The following LARGE1 variants were observed in gnomAD, a reference collection of about 807,000 sequenced individuals.
LARGE1 encodes xylosyl- and glucuronyltransferase LARGE1.
LARGE1 carries 43 observed loss-of-function variants against 87.6 expected under a neutral mutation model. That is an observed-to-expected ratio of 0.49 (90% confidence interval 0.38 to 0.63). The LOEUF is 0.63. Among genes scored for constraint, LARGE1 ranks in the 30% least tolerant of loss-of-function variants. The pLI, the probability that LARGE1 is intolerant of heterozygous loss-of-function variation, is 0.00. For synonymous variants in LARGE1, 434 were observed against 394.6 expected, an observed-to-expected ratio of 1.10 and a Z score of -1.18; for missense variants, 802 against 1,000.2, an observed-to-expected ratio of 0.80 and a Z score of 2.67.
intron 1 of LARGE1, among the ~76,000 whole-genome samples, chr22:33,838,317 T>C (rs200044024): frequency 1.3e-5 from 2 of 152,306 alleles, no homozygotes; most frequent in South Asian, 2.1e-4. Context: ...CAGTGACTCA[T>C]ACAGCCACTA....
intron 2 of LARGE1, among the ~76,000 whole-genome samples, chr22:33,752,656 G>A (rs1479718943): frequency 1.3e-5 from 2 of 152,324 alleles, no homozygotes; most frequent in African/African-American, 4.8e-5. Context: ...TCCAAGGGAA[G>A]GATGAGATGT....
chr22:33,589,383 T>C (rs1479385335), intron 5 of LARGE1, among the ~76,000 whole-genome samples: 1 of 152,224 alleles, frequency 6.6e-6, no homozygotes, highest in African/African-American at 2.4e-5. Context: ...TGCAAATTTA[T>C]ATTGTTGTAT....
At chr22:33,503,583 G>A (rs1160929755) in intron 6 of LARGE1, among the ~76,000 whole-genome samples, 12 of 152,050 alleles carry the variant, frequency 7.9e-5, no homozygotes, top group Non-Finnish European at 1.3e-4. Flanking sequence ...GGTGGATCAC[G>A]AGGTCAGGAG....
chr22:33,257,216 A>AAAC (rs572360244), intron 11 of LARGE1, among the ~76,000 whole-genome samples: 179 of 151,932 alleles, frequency 1.2e-3, no homozygotes, highest in African/African-American at 4.1e-3. Context: ...AAAAATAAAC[A>AAAC]AACAACAACA....
At chr22:33,297,789 G>A (rs1226834582) in intron 12 of LARGE1, among the ~76,000 whole-genome samples, 1 of 151,820 alleles carries the variant, frequency 6.6e-6, no homozygotes, top group Non-Finnish European at 1.5e-5. Flanking sequence ...AGACCAGCCT[G>A]GCCAACATGG....
At chr22:33,874,830 T>C (rs557727011) in intron 1 of LARGE1, among the ~76,000 whole-genome samples, 184 of 152,340 alleles carry the variant, frequency 1.2e-3, no homozygotes, top group African/African-American at 4.1e-3. Flanking sequence ...GCCAACATTA[T>C]ATACATGTGT....
In LARGE1 at chr22:33,232,077, A is replaced by T. The variant is rs371585738; in HGVS notation, c.1731-65245T>A. Among the ~76,000 whole-genome samples, 37 of 152,288 alleles carry T rather than the reference A, an allele frequency of 2.4e-4. No homozygotes were observed. In the East Asian group the frequency reaches 6.6e-3, roughly 27 times the overall value. ...AGTTAGCAGAGGGGTCAGGATTCCA[A>T]ACTAGGTCCCTCTGCTTCCCAAGAC... On this transcript the variant is annotated intron_variant, in intron 11 of 11. Transcript: ENST00000608642.
chr22:33,904,283 G>C (rs2065370176), intron 1 of LARGE1, among the ~76,000 whole-genome samples: 1 of 152,140 alleles, frequency 6.6e-6, no homozygotes, highest in Admixed American at 6.5e-5. Context: ...AGCCTCCTGA[G>C]TAGCTGGGAT....
Position 33,497,651 on chromosome 22 carries a change from A to G in LARGE1, c.788-65386T>C, listed in dbSNP as rs144090233. ...ACAAAGTGTCCAGTATATGTTCAAT[A>G]AAGGACAGTAACTCTTCTTCTAGAA... On this transcript the variant is annotated intron_variant, in intron 6 of 14. Coordinates refer to ENST00000397394, the MANE Select transcript of LARGE1 (RefSeq NM_133642.5). Among the ~76,000 whole-genome samples the G allele has an allele frequency of 3.8e-3, 574 of 152,292 alleles. 3 individuals carry two copies. Among genetic ancestry groups the G allele is most frequent in the East Asian group, 0.029 (149 of 5,182 alleles).
chr22:33,607,225 G>A (rs1465812971), intron 4 of LARGE1, among the ~76,000 whole-genome samples: 2 of 152,100 alleles, frequency 1.3e-5, no homozygotes, highest in Non-Finnish European at 2.9e-5. Flanking sequence ...ACTTTGGGAG[G>A]CCGAGGTGGG....
intron 11 of LARGE1, among the ~76,000 whole-genome samples, chr22:33,244,640 C>T (rs766167237): frequency 9.9e-5 from 15 of 152,206 alleles, no homozygotes; most frequent in Non-Finnish European, 1.5e-4. Flanking sequence ...ACATTAGTCT[C>T]TGTAGGCAGT....
chr22:33,739,516 T>G (rs2083796218), intron 2 of LARGE1, among the ~76,000 whole-genome samples: 1 of 152,222 alleles, frequency 6.6e-6, no homozygotes, highest in Non-Finnish European at 1.5e-5. Context: ...GAATTTCTAT[T>G]TGAGGGAGTA....
At chr22:33,224,939 G>A (rs1172561951) in intron 11 of LARGE1, among the ~76,000 whole-genome samples, 3 of 152,202 alleles carry the variant, frequency 2.0e-5, no homozygotes, top group Non-Finnish European at 2.9e-5. Context: ...TTCTTCTTTT[G>A]CAGGAAATGC....
At chr22:33,764,297 C>CCGTT (rs1850528146) in intron 1 of LARGE1, among the ~76,000 whole-genome samples, 1 of 152,138 alleles carries the variant, frequency 6.6e-6, no homozygotes, top group African/African-American at 2.4e-5. Flanking sequence ...TCCAGAGTTA[C>CCGTT]CGTTCTCCCT....
At chr22:33,882,355 A>G (rs2064721843) in intron 1 of LARGE1, among the ~76,000 whole-genome samples, 2 of 152,228 alleles carry the variant, frequency 1.3e-5, no homozygotes, top group East Asian at 3.9e-4. Flanking sequence ...CTATGAAATG[A>G]AAAAAGGCCA....
chr22:33,713,465 C>A (rs563792264), intron 2 of LARGE1, among the ~76,000 whole-genome samples: 3 of 152,152 alleles, frequency 2.0e-5, no homozygotes, highest in Non-Finnish European at 4.4e-5. Flanking sequence ...TCATTCATTC[C>A]GCGGTCGCTG....
At chr22:33,314,507 GT>G (rs969607946) in intron 11 of LARGE1, among the ~76,000 whole-genome samples, 4 of 152,166 alleles carry the variant, frequency 2.6e-5, no homozygotes, top group African/African-American at 9.7e-5. Context: ...TCTTTCATCA[GT>G]TTGTCCATTC....
chr22:33,688,243 T>C (rs1336054725), intron 2 of LARGE1, among the ~76,000 whole-genome samples: 2 of 152,066 alleles, frequency 1.3e-5, no homozygotes, highest in East Asian at 3.9e-4. Flanking sequence ...AATGGGTGAG[T>C]ACTAACTTGC....
intron 2 of LARGE1, among the ~76,000 whole-genome samples, chr22:33,680,931 A>G (rs2081749378): frequency 6.6e-6 from 1 of 152,196 alleles, no homozygotes; most frequent in Non-Finnish European, 1.5e-5. Flanking sequence ...CCAGAGTATA[A>G]ATGTTACTAA....
Sources: allele counts gnomAD v4.1 joint callset (sites outside exome capture counted in the v4.1 genomes callset), GRCh38; gene constraint gnomAD v4.1.1; transcripts MANE v1.5; gene names NCBI Gene and HGNC (gene_info 2026-07-23, HGNC 2026-07-21).